Variants in HACD3 observed in about 807,000 individuals in gnomAD.
HACD3 encodes very-long-chain (3R)-3-hydroxyacyl-CoA dehydratase 3.
Under a neutral mutation model 55.2 loss-of-function variants are expected in HACD3, and 30 were observed. The observed-to-expected ratio is 0.54, with a 90% confidence interval of 0.41 to 0.74. HACD3 has a LOEUF of 0.74. Among genes scored for constraint, HACD3 ranks in the 30% least tolerant of loss-of-function variants. HACD3 has a pLI of 0.00. For missense variants in HACD3, 363 were observed against 440.1 expected (o/e 0.82, Z 1.57); for synonymous variants, 141 against 151.7 (o/e 0.93, Z 0.52).
Position 65,571,657 on chromosome 15 carries a change from ACT to A in HACD3, c.880+7_880+8del. On this transcript the variant is annotated splice_donor_5th_base_variant and intron_variant, in intron 9 of 10. Coordinates refer to ENST00000261875, the MANE Select transcript of HACD3 (RefSeq NM_016395.4). Reference sequence around the variant, plus strand: ...TCCACTGGGATGTTTGGCGGAAGGTACTCTCAGGGACTCTTAGCTTTCATAGC... The same window carrying A: ...TCCACTGGGATGTTTGGCGGAAGGTACTCAGGGACTCTTAGCTTTCATAGC... The A allele has an allele frequency of 1.9e-6, 3 of 1,599,832 alleles. 1 individual carries two copies. Among genetic ancestry groups the A allele is most frequent in the South Asian group, 2.2e-5 (2 of 90,596 alleles).
chr15:65,550,496 A>G (rs746065353), intron 1 of HACD3, among the ~76,000 whole-genome samples: 5 of 152,274 alleles, frequency 3.3e-5, no homozygotes, highest in Non-Finnish European at 7.3e-5. Context: ...CATTAAATAC[A>G]TGGATTCAGT....
At position 65,551,712 on chromosome 15, in the gene HACD3, T is replaced by G; in HGVS notation, c.124T>G (p.Phe42Val). Residue 42 changes from phenylalanine to valine, a missense_variant, in exon 2 of 11, where the codon TTC (phenylalanine) becomes GTC (valine). Transcript: ENST00000261875. ...AISITENVLH[F>V]KAQGHGAKGD... ...CAGCATCACTGAAAACGTGCTGCAT[T>G]TCAAAGGTCAGTATCCCAGCAAATG... The G allele has an allele frequency of 2.5e-6, 4 of 1,613,998 alleles. No homozygotes were observed. Among genetic ancestry groups the G allele is most frequent in the Non-Finnish European group, 2.5e-6 (3 of 1,179,874 alleles).
intron 5 of HACD3, among the ~76,000 whole-genome samples, chr15:65,561,402 C>T (rs577491546): frequency 5.4e-4 from 81 of 151,282 alleles, no homozygotes; most frequent in Non-Finnish European, 9.6e-4. Context: ...GGAGGTGGAG[C>T]GTGCAGTGAG....
At chr15:65,545,036 A>C (rs1275052472) in intron 1 of HACD3, among the ~76,000 whole-genome samples, 6 of 152,084 alleles carry the variant, frequency 3.9e-5, no homozygotes, top group Non-Finnish European at 2.9e-5. Context: ...AAAAAAAAGA[A>C]AGAAAGAAAA....
At chr15:65,536,571 A>G (rs2071957486) in intron 1 of HACD3, among the ~76,000 whole-genome samples, 1 of 152,128 alleles carries the variant, frequency 6.6e-6, no homozygotes, top group African/African-American at 2.4e-5. Context: ...CCTGGCCAAC[A>G]TGGTGAAACC....
chr15:65,546,629 C>T (rs891658270), intron 1 of HACD3, among the ~76,000 whole-genome samples: 6 of 152,244 alleles, frequency 3.9e-5, no homozygotes, highest in Non-Finnish European at 8.8e-5. Context: ...GGGTCTTGCT[C>T]TGTCACCCAG....
chr15:65,571,578 C>G lies in HACD3; in HGVS notation c.804C>G (p.Asp268Glu). The G allele has an allele frequency of 6.2e-7, 1 of 1,613,756 alleles. No individual in the cohort carries two copies. Among genetic ancestry groups the G allele is most frequent in the African/African-American group, 1.3e-5 (1 of 75,046 alleles). Reference sequence around the variant, plus strand: ...CTTTCTACATGCTGACGTGCATTGACATGGATTGGAAGGTGCTCACATGGC... The same window carrying G: ...CTTTCTACATGCTGACGTGCATTGAGATGGATTGGAAGGTGCTCACATGGC... Reference protein sequence around the residue: ...RYSFYMLTCIDMDWKVLTWLR... With the variant: ...RYSFYMLTCIEMDWKVLTWLR... The change falls in exon 9 of 11, where the codon GAC (aspartate) becomes GAG (glutamate). Residue 268 changes from aspartate to glutamate, a missense_variant. By Grantham distance (45) the Asp-to-Glu change is conservative. Coordinates refer to ENST00000261875, the MANE Select transcript of HACD3 (RefSeq NM_016395.4).
At chr15:65,532,481 C>T (rs1042734813) in intron 1 of HACD3, among the ~76,000 whole-genome samples, 1 of 151,906 alleles carries the variant, frequency 6.6e-6, no homozygotes, top group Non-Finnish European at 1.5e-5. Flanking sequence ...CAAAATTAGC[C>T]GGGCATGGTG....
intron 10 of HACD3, chr15:65,574,592 T>A (rs1317066643): frequency 6.6e-6 from 1 of 152,202 alleles, no homozygotes; most frequent in Admixed American, 6.5e-5. Context: ...CTTGGTCATT[T>A]AGTGTTGCGG....
chr15:65,572,557 A>G (rs970559745), intron 10 of HACD3, among the ~76,000 whole-genome samples, 191 bp downstream of exon 10: 1 of 152,244 alleles, frequency 6.6e-6, no homozygotes, highest in African/African-American at 2.4e-5. Flanking sequence ...AATCTCCAGC[A>G]GTTAAATTAT....
At chr15:65,551,940 G>T in intron 2 of HACD3, 2 of 422,138 alleles carry the variant, frequency 4.7e-6, no homozygotes, top group Non-Finnish European at 8.3e-6. Flanking sequence ...TAGATACAGT[G>T]AAGGAAAAAA....
chr15:65,531,883 A>G (rs2071904544), intron 1 of HACD3, among the ~76,000 whole-genome samples: 1 of 151,966 alleles, frequency 6.6e-6, no homozygotes, highest in Non-Finnish European at 1.5e-5. Context: ...GGTTCTTTCT[A>G]CAGTCATTCT....
intron 1 of HACD3, among the ~76,000 whole-genome samples, chr15:65,540,544 C>A (rs2072010207): frequency 6.6e-6 from 1 of 152,128 alleles, no homozygotes; most frequent in Admixed American, 6.6e-5. Flanking sequence ...AACATTCCAA[C>A]AAGTCCACAG....
At chr15:65,537,973 A>G (rs2071980373) in intron 1 of HACD3, among the ~76,000 whole-genome samples, 1 of 3,312 alleles carries the variant, frequency 3.0e-4, no homozygotes, top group Non-Finnish European at 7.8e-4. Flanking sequence ...ATATATATAT[A>G]TATATATATA....
chr15:65,576,245 C>T, intron 10 of HACD3, 58 bp from the exon 11 acceptor site: 2 of 1,539,852 alleles, frequency 1.3e-6, no homozygotes, highest in Non-Finnish European at 1.7e-6. Flanking sequence ...GCCACAAGAG[C>T]TTCTGGTTAT....
chr15:65,553,137 ATCT>A (rs2072152288), intron 2 of HACD3: 4 of 152,232 alleles, frequency 2.6e-5, no homozygotes, highest in African/African-American at 9.7e-5. Context: ...GGCCATACTA[ATCT>A]TCTCTGTATC....
chr15:65,545,710 T>C (rs978850437), intron 1 of HACD3, among the ~76,000 whole-genome samples: 5 of 151,696 alleles, frequency 3.3e-5, no homozygotes, highest in Admixed American at 3.3e-4. Flanking sequence ...CGCCTCGGCC[T>C]CCCAAAGTGC....
chr15:65,534,480 A>AT (rs1258148393), intron 1 of HACD3: 1 of 152,228 alleles, frequency 6.6e-6, no homozygotes, highest in East Asian at 1.9e-4. Flanking sequence ...TACTTTCAAG[A>AT]TTGAATTTAC....
chr15:65,534,050 CAAA>C (rs11298076), intron 1 of HACD3, among the ~76,000 whole-genome samples: 21 of 136,792 alleles, frequency 1.5e-4, no homozygotes, highest in South Asian at 2.3e-4. Flanking sequence ...GACTCCGTCT[CAAA>C]AAAAAAAAAA....
Sources: allele counts gnomAD v4.1 joint callset (sites outside exome capture counted in the v4.1 genomes callset), GRCh38; gene constraint gnomAD v4.1.1; transcripts MANE v1.5; gene names NCBI Gene and HGNC (gene_info 2026-07-23, HGNC 2026-07-21).